The following ZBTB38 variants were observed in gnomAD, a reference collection of about 807,000 sequenced individuals.
ZBTB38 encodes zinc finger and BTB domain containing 38.
A neutral mutation model predicts 76.8 loss-of-function variants in ZBTB38; 20 were observed. The ratio of observed to expected loss-of-function variants is 0.26; its 90% CI spans 0.18 to 0.38. The LOEUF (loss-of-function observed/expected upper bound fraction) is 0.38. ZBTB38 is among the 10% of genes least tolerant of loss of function. The probability of loss-of-function intolerance (pLI) is 1.00; values close to 1 mark genes in which losing one functional copy is unlikely to be tolerated. For missense variants in ZBTB38, 1,082 were observed against 1,482.3 expected (o/e 0.73, Z 4.43); for synonymous variants, 504 against 544.2 (o/e 0.93, Z 1.03).
At chr3:141,330,060 TAATG>T (rs1275132661) in intron 1 of ZBTB38, among the ~76,000 whole-genome samples, 1 of 152,098 alleles carries the variant, frequency 6.6e-6, no homozygotes, top group Non-Finnish European at 1.5e-5. Flanking sequence ...ATATATAAAA[TAATG>T]AAGGAGAGAT....
At chr3:141,402,712 G>A (rs1379490045) in intron 4 of ZBTB38, 1 of 152,212 alleles carries the variant, frequency 6.6e-6, no homozygotes, top group African/African-American at 2.4e-5. Context: ...GGGTTCGGCT[G>A]GAGAGTGCGG....
In ZBTB38 at chr3:141,445,000, A is replaced by G. The variant is rs1559968511; in HGVS notation, c.2612A>G (p.Gln871Arg). The stretch of plus-strand genomic sequence containing the variant: ...GGGAGAAGACCCAAGTATCAGATGC[A>G]GGAGGAGCCTTTGCCACAGGGGAAT... ...KRGRRPKYQM[Q>R]EEPLPQGNDP... is the part of the protein sequence containing the mutation. Residue 871 changes from glutamine (Q) to arginine (R), a missense_variant, in exon 6 of 6, where the codon CAG (glutamine) becomes CGG (arginine). Transcript: ENST00000321464. The surrounding 1 kb of genome is among the most constrained non-coding windows in gnomAD (Gnocchi z 5.1). 7 of 1,614,244 alleles carry G rather than the reference A, an allele frequency of 4.3e-6. No individual in the cohort carries two copies. Among genetic ancestry groups the G allele is most frequent in the Non-Finnish European group, 5.9e-6 (7 of 1,180,038 alleles).
At chr3:141,343,128 G>A (rs1943244459) in intron 1 of ZBTB38, among the ~76,000 whole-genome samples, 1 of 152,170 alleles carries the variant, frequency 6.6e-6, no homozygotes, top group Admixed American at 6.5e-5. Flanking sequence ...TGATCCAAGA[G>A]AACAGCAGCC....
intron 1 of ZBTB38, among the ~76,000 whole-genome samples, chr3:141,337,834 G>T (rs771581241): frequency 6.6e-6 from 1 of 152,180 alleles, no homozygotes; most frequent in African/African-American, 2.4e-5. Context: ...AGAAAACTGA[G>T]ACTTGCGGAG....
intron 1 of ZBTB38, among the ~76,000 whole-genome samples, chr3:141,357,217 T>C (rs1441586404): frequency 6.6e-6 from 1 of 152,214 alleles, no homozygotes; most frequent in African/African-American, 2.4e-5. Context: ...CATTGGTACT[T>C]TTTCTATGAC....
chr3:141,401,863 G>C (rs1952094892), intron 4 of ZBTB38, among the ~76,000 whole-genome samples: 1 of 152,186 alleles, frequency 6.6e-6, no homozygotes, highest in South Asian at 2.1e-4. Flanking sequence ...TCTGTGCCAC[G>C]TTGGGAAAAA....
chr3:141,443,251 C>T lies in ZBTB38; in HGVS notation c.863C>T (p.Ser288Phe). ...GAAAATATACCACCCCCTCCAGTAT[C>T]CAACTTAGAGGTTAATCAAGAAAGA... is the stretch of plus-strand genomic sequence containing the variant. ...ATENIPPPPV[S>F]NLEVNQERSP... The change falls in exon 6 of 6, where the codon TCC becomes TTC. Residue 288 changes from serine (S) to phenylalanine (F), a missense_variant. Around this residue, in one of 8 missense-constraint regions of ZBTB38, gnomAD observed 324 missense variants for 359.1 expected, o/e 0.90. Coordinates refer to ENST00000321464, the MANE Select transcript of ZBTB38 (RefSeq NM_001376113.1). This position sits in a 1 kb window ranked among gnomAD's most constrained non-coding sequence, Gnocchi z 5.6. 1 of 1,614,238 alleles carries T rather than the reference C, an allele frequency of 6.2e-7. No individual in the cohort carries two copies.
intron 4 of ZBTB38, among the ~76,000 whole-genome samples, chr3:141,393,114 A>C (rs1416315583): frequency 6.6e-6 from 1 of 152,184 alleles, no homozygotes; most frequent in Non-Finnish European, 1.5e-5. Context: ...TTGGTTTGAA[A>C]ATTGCCAGTG....
intron 1 of ZBTB38, among the ~76,000 whole-genome samples, chr3:141,348,897 G>A (rs760432170): frequency 6.6e-6 from 1 of 151,920 alleles, no homozygotes; most frequent in Non-Finnish European, 1.5e-5. Context: ...AACAGTGGAT[G>A]GAGAAGTGGA....
At chr3:141,409,234 T>C (rs1442566755) in intron 5 of ZBTB38, among the ~76,000 whole-genome samples, 1 of 152,054 alleles carries the variant, frequency 6.6e-6, no homozygotes, top group Admixed American at 6.6e-5. Context: ...TTAGTAGAGA[T>C]GGGGTTTCAC....
intron 1 of ZBTB38, among the ~76,000 whole-genome samples, chr3:141,337,807 G>A (rs532720355): frequency 6.6e-6 from 1 of 152,270 alleles, no homozygotes; most frequent in East Asian, 1.9e-4. Flanking sequence ...GGTATTACTA[G>A]CTCATTTTTG....
chr3:141,369,753 A>T (rs1944273265), intron 1 of ZBTB38, 119 bp from the exon 2 acceptor site: 1 of 152,228 alleles, frequency 6.6e-6, no homozygotes, highest in African/African-American at 2.4e-5. Flanking sequence ...CATTTACTGG[A>T]AAACAGTGGC....
intron 5 of ZBTB38, among the ~76,000 whole-genome samples, chr3:141,435,159 G>C (rs1378153416): frequency 6.6e-6 from 1 of 151,808 alleles, no homozygotes; most frequent in African/African-American, 2.4e-5. Flanking sequence ...CTGTCTCAAA[G>C]AAGAAAAAAG....
intron 2 of ZBTB38, among the ~76,000 whole-genome samples, chr3:141,379,129 C>T (rs557147681): frequency 6.6e-6 from 1 of 152,194 alleles, no homozygotes; most frequent in Non-Finnish European, 1.5e-5. Flanking sequence ...GCTGCCTTCT[C>T]TTTGAAGCAT....
At chr3:141,377,552 A>C (rs1945562460) in intron 2 of ZBTB38, among the ~76,000 whole-genome samples, 1 of 152,260 alleles carries the variant, frequency 6.6e-6, no homozygotes, top group Non-Finnish European at 1.5e-5. Context: ...GCAGTTTCTT[A>C]TAAAAGTTAA....
upstream of ZBTB38, among the ~76,000 whole-genome samples, chr3:141,364,811 T>C (rs570033351): frequency 1.3e-5 from 2 of 151,940 alleles, no homozygotes; most frequent in Admixed American, 6.6e-5. Flanking sequence ...CATTAGTCAT[T>C]TGTTAAATGC....
chr3:141,401,678 T>C (rs1202239664), intron 4 of ZBTB38, among the ~76,000 whole-genome samples: 4 of 151,210 alleles, frequency 2.6e-5, no homozygotes, highest in Non-Finnish European at 5.9e-5. Context: ...ACATGGACGA[T>C]TTAAAAAAAA....
At position 141,446,097 on chromosome 3, in the gene ZBTB38, A is replaced by AT; in HGVS notation, c.*121_*122insT. ...AGGAGTGAAATTAAAAAAAAAAAAA[A>AT]CTCATTTGTGAAAATTCCAGAAAAA... On this transcript the variant is annotated 3_prime_UTR_variant, in exon 6 of 6. Coordinates refer to ENST00000321464, the MANE Select transcript of ZBTB38 (RefSeq NM_001376113.1). The AT allele has an allele frequency of 1.1e-6, 1 of 890,354 alleles. No homozygotes were observed. Among genetic ancestry groups the AT allele is most frequent in the Non-Finnish European group, 1.6e-6 (1 of 643,188 alleles). The allele number at this position is 890,354 out of a possible 1,614,324, so 55.2% of individuals were successfully genotyped here.
At chr3:141,331,915 T>A (rs1253396033) in intron 1 of ZBTB38, among the ~76,000 whole-genome samples, 1 of 152,216 alleles carries the variant, frequency 6.6e-6, no homozygotes, top group Non-Finnish European at 1.5e-5. Context: ...GGACTTCAAA[T>A]GAGTCACTGT....
Sources: gnomAD v4.1 joint callset for allele counts (sites outside exome capture counted in the v4.1 genomes callset) on GRCh38, gnomAD v4.1.1 for gene constraint, gnomAD v4.1.1 regional missense constraint, Gnocchi (gnomAD v3.1) non-coding constraint, MANE v1.5 for transcripts, NCBI Gene and HGNC (gene_info 2026-07-23, HGNC 2026-07-21) for gene names.